The following CHMP4A variants were observed in gnomAD, a reference collection of about 807,000 sequenced individuals.
CHMP4A encodes SNF7 homolog associated with Alix-2.
Under a neutral mutation model 28.2 loss-of-function variants are expected in CHMP4A, and 29 were observed. That is an observed-to-expected ratio of 1.03 (90% CI 0.77 to 1.40). The LOEUF (loss-of-function observed/expected upper bound fraction) is 1.40. Ranked by LOEUF, CHMP4A falls within the 40% of genes most tolerant of loss-of-function variation. CHMP4A has a pLI of 0.00. For synonymous variants in CHMP4A, 88 were observed against 99.3 expected (o/e 0.89, Z 0.67); for missense variants, 241 against 263.5 (o/e 0.91, Z 0.59).
Position 24,213,182 on chromosome 14 carries a change from G to C in CHMP4A, c.31+227C>G. The C allele has an allele frequency of 1.7e-5, 9 of 527,606 alleles. No homozygotes were observed. In the South Asian group the frequency reaches 2.5e-4, roughly 15 times the overall value. 32.7% of individuals were successfully genotyped at this position (527,606 alleles called of 1,614,324 possible). On this transcript the variant is annotated intron_variant, in intron 1 of 5. Transcript: ENST00000347519. ...TCCCAGATCTTGAGTTCTTCCCTCTGAGAGTGGGGGAGGACGGCGGACGGG... is the reference window on the plus strand; with the variant it reads ...TCCCAGATCTTGAGTTCTTCCCTCTCAGAGTGGGGGAGGACGGCGGACGGG...
chr14:24,212,301 G>C (rs947988788), intron 1 of CHMP4A, among the ~76,000 whole-genome samples: 2 of 152,068 alleles, frequency 1.3e-5, no homozygotes, highest in South Asian at 4.2e-4. Context: ...CTCCATGTTG[G>C]TCAGGCTGGT....
intron 1 of CHMP4A, 36 bp from the exon 2 acceptor site, chr14:24,211,865 A>T: frequency 6.4e-7 from 1 of 1,571,902 alleles, no homozygotes. Flanking sequence ...AAATTTTGTG[A>T]AGGAAAAATA....
intron 1 of CHMP4A, chr14:24,212,928 C>G (rs1284445484): frequency 6.2e-6 from 1 of 161,210 alleles, no homozygotes; most frequent in East Asian, 1.9e-4. Flanking sequence ...TCTCAAACTC[C>G]TGACCTCATG....
intron 4 of CHMP4A, 37 bp downstream of exon 4, chr14:24,210,617 T>A (rs1233455000): frequency 1.3e-6 from 2 of 1,599,136 alleles, no homozygotes; most frequent in African/African-American, 2.7e-5. Flanking sequence ...AGTCCCATAC[T>A]TTCTGCAATA....
rs749901850 is a variant in CHMP4A, at chr14:24,209,831, A to G, written c.*46T>C. On this transcript the variant is annotated 3_prime_UTR_variant, in exon 6 of 6. Coordinates refer to ENST00000347519, the MANE Select transcript of CHMP4A (RefSeq NM_014169.5). ...TAGCTCAGCACTTGGCACTTAAGGA[A>G]GAAAGGACCAACAAAGGTAGCATTA... 1 of 1,569,142 alleles carries G rather than the reference A, an allele frequency of 6.4e-7. No homozygotes were observed. Among genetic ancestry groups the G allele is most frequent in the Non-Finnish European group, 8.8e-7 (1 of 1,140,848 alleles).
rs1167943844 is a variant in CHMP4A at position 24,213,427 on chromosome 14, C to A, written c.13G>T (p.Gly5Cys). 6.2e-7 allele frequency: 1 copy of A among 1,609,880 alleles called. No homozygotes were observed. Among genetic ancestry groups the A allele is most frequent in the Non-Finnish European group, 8.5e-7 (1 of 1,178,976 alleles). MSGL[G>C]RLFGKGKKEK... ...GGCTCACCCTTCCCGAAGAGCCTGC[C>A]GAGACCACTCATCGCGAGCTCGCCT... The change falls in exon 1 of 6, where the codon GGC becomes TGC. Residue 5 changes from glycine (G) to cysteine (C), a missense_variant. Gly to Cys is a radical substitution (Grantham distance 159, BLOSUM62 -3). Transcript: ENST00000347519.
At position 24,211,777 on chromosome 14, in the gene CHMP4A, C is replaced by G. The variant is rs1226800374; in HGVS notation, c.84G>C (p.Glu28Asp). 2 of 1,614,070 alleles carry G rather than the reference C, an allele frequency of 1.2e-6. No individual in the cohort carries two copies. Among genetic ancestry groups the G allele is most frequent in the African/African-American group, 1.3e-5 (1 of 74,936 alleles). ...GTTTCTTGATCAGTATCTTCTCTGTCTCCTTCAGTTTCTGTATTGCTTCTT... is the reference window on the plus strand; with the variant it reads ...GTTTCTTGATCAGTATCTTCTCTGTGTCCTTCAGTTTCTGTATTGCTTCTT... ...TPEEAIQKLK[E>D]TEKILIKKQE... is the part of the protein sequence containing the mutation. Residue 28 changes from glutamate to aspartate, a missense_variant, in exon 2 of 6, where the codon GAG becomes GAC. Physicochemically the swap from Glu to Asp is conservative, Grantham distance 45. Transcript: ENST00000347519.
In CHMP4A at chr14:24,211,405, C is replaced by T. The variant is rs776935654; in HGVS notation, c.359+10G>A. The T allele has an allele frequency of 1.9e-6, 3 of 1,595,502 alleles. No individual in the cohort carries two copies. Among genetic ancestry groups the T allele is most frequent in the South Asian group, 1.1e-5 (1 of 90,404 alleles). On this transcript the variant is annotated intron_variant, in intron 3 of 5. Coordinates refer to ENST00000347519, the MANE Select transcript of CHMP4A (RefSeq NM_014169.5). ...GCCTGGGTCCCCTCCACCCCTCCCC[C>T]CGTACCCACATGTCCTGGTAGGCCT...
chr14:24,211,590 C>G lies in CHMP4A; in HGVS notation c.184G>C (p.Ala62Pro). Residue 62 changes from alanine (A) to proline (P), a missense_variant and splice_region_variant, in exon 3 of 6, where the codon GCC (alanine) becomes CCC (proline). Transcript: ENST00000347519. Reference protein sequence around the residue: ...KKYGTKNKRAALQALRRKKRF... With the variant: ...KKYGTKNKRAPLQALRRKKRF... ...TTCTTCCTCCGCAAAGCCTGTAGGGCAGCTGACCCAGCCCATACCCTGAAC... is the reference window on the plus strand; with the variant it reads ...TTCTTCCTCCGCAAAGCCTGTAGGGGAGCTGACCCAGCCCATACCCTGAAC... The G allele has an allele frequency of 6.2e-7, 1 of 1,611,726 alleles. No homozygotes were observed. The highest frequency in any genetic ancestry group is 8.5e-7 in the Non-Finnish European group (1 of 1,177,896).
At chr14:24,212,088 A>G (rs2039596545) in intron 1 of CHMP4A, 2 of 340,528 alleles carry the variant, frequency 5.9e-6, no homozygotes, top group Non-Finnish European at 1.1e-5. Flanking sequence ...TACTATTCCT[A>G]GCTGCCTTTC....
intron 3 of CHMP4A, 38 bp downstream of exon 3, chr14:24,211,377 A>G (rs1161735276): frequency 1.3e-6 from 2 of 1,559,196 alleles, no homozygotes; most frequent in Non-Finnish European, 1.8e-6. Flanking sequence ...CACTCTTCCC[A>G]GTGCCTGGGT....
intron 1 of CHMP4A, chr14:24,212,493 T>C: frequency 6.2e-6 from 2 of 324,530 alleles, no homozygotes; most frequent in Non-Finnish European, 1.2e-5. Flanking sequence ...TTCAAGTGAT[T>C]CTCCTGCCTC....
rs1199197646 is a variant in CHMP4A at position 24,210,345 on chromosome 14, T to C, written c.610+3A>G. 25 of 1,613,664 alleles carry C rather than the reference T, an allele frequency of 1.5e-5. No homozygotes were observed. The highest frequency in any genetic ancestry group is 1.9e-5 in the Non-Finnish European group (23 of 1,179,878). On this transcript the variant is annotated splice_donor_region_variant and intron_variant, in intron 5 of 5. Coordinates refer to ENST00000347519, the MANE Select transcript of CHMP4A (RefSeq NM_014169.5). ...CTCAAGACAACAGAACAACCCTGCA[T>C]ACCTGGCCCTGCCGGCAGATGAGTA...
chr14:24,212,005 A>C (rs1301444188), intron 1 of CHMP4A, 176 bp from the exon 2 acceptor site: 1 of 554,576 alleles, frequency 1.8e-6, no homozygotes, highest in Non-Finnish European at 3.1e-6. Flanking sequence ...AAAGATGTTA[A>C]AAATCACAAC....
rs141941051 is a variant in CHMP4A at position 24,211,455 on chromosome 14, C to G, written c.319G>C (p.Glu107Gln). 5 of 1,612,538 alleles carry G rather than the reference C, an allele frequency of 3.1e-6. No homozygotes were observed. Among genetic ancestry groups the G allele is most frequent in the Non-Finnish European group, 3.4e-6 (4 of 1,178,822 alleles). Residue 107 changes from glutamate (E) to glutamine (Q), a missense_variant, in exon 3 of 6, where the codon GAG becomes CAG. Transcript: ENST00000347519. The stretch of plus-strand genomic sequence containing the variant: ...TTCTTCATGCTTTGGGCAGCAAGCT[C>G]CATGGTACGAAGGACTTCTGCATTG... ...TTNAEVLRTMELAAQSMKKAY... is the reference protein window; with the variant it reads ...TTNAEVLRTMQLAAQSMKKAY...
intron 1 of CHMP4A, 170 bp downstream of exon 1, chr14:24,213,239 G>C: frequency 1.3e-6 from 1 of 748,964 alleles, no homozygotes; most frequent in Non-Finnish European, 2.0e-6. Context: ...GTGCCTTTTG[G>C]CACCGGCGAT....
chr14:24,212,674 C>A (rs1176450682), intron 1 of CHMP4A: 9 of 308,934 alleles, frequency 2.9e-5, no homozygotes, highest in Non-Finnish European at 1.9e-5. Context: ...CCTGTCTCAG[C>A]CTCCCCCAGT....
In CHMP4A at chr14:24,210,517, GA is replaced by G. The variant is rs764577380; in HGVS notation, c.475-35del. 8 of 1,600,674 alleles carry G rather than the reference GA, an allele frequency of 5.0e-6. 2 individuals carry two copies. In the South Asian group the frequency reaches 7.8e-5, roughly 16 times the overall value. ...GGAAGACAAGACCACTTTAGATGAA[GA>G]AAAAAACTTCTACCTCCAAAAACAT... On this transcript the variant is annotated intron_variant, in intron 4 of 5. Transcript: ENST00000347519.
chr14:24,209,998 C>CCAT lies in CHMP4A; in HGVS notation c.611-66_611-64dup, dbSNP rs1286941137. On this transcript the variant is annotated intron_variant, in intron 5 of 5. Transcript: ENST00000347519. ...AGCAGTAAGGTCTCAGCAACTCCAA[C>CCAT]CATCCCCTGCTATGACATTCAGAGC... 1.1e-5 allele frequency: 16 copies of CCAT among 1,407,332 alleles called. No individual in the cohort carries two copies. In the Admixed American group the frequency reaches 2.3e-4, roughly 21 times the overall value. The allele number at this position is 1,407,332 out of a possible 1,614,324, so 87.2% of individuals were successfully genotyped here.
Sources: gnomAD v4.1 joint callset for allele counts (sites outside exome capture counted in the v4.1 genomes callset) on GRCh38, gnomAD v4.1.1 for gene constraint, MANE v1.5 for transcripts, NCBI Gene and HGNC (gene_info 2026-07-23, HGNC 2026-07-21) for gene names.